PDK2: variants seen among roughly 807,000 people sequenced by gnomAD.
PDK2 encodes pyruvate dehydrogenase kinase, isozyme 2.
In PDK2, 34 loss-of-function variants were observed where a neutral mutation model predicts 50.4. The ratio of observed to expected loss-of-function variants is 0.68; its 90% confidence interval spans 0.51 to 0.90. The LOEUF is 0.90. Ranked by LOEUF, PDK2 falls within the 40% of genes least tolerant of loss-of-function variation. PDK2 has a pLI of 0.00. For synonymous variants in PDK2, 232 were observed against 216.0 expected (o/e 1.07, Z -0.65); for missense variants, 377 against 544.5 (o/e 0.69, Z 3.06).
At chr17:50,102,549 T>C (rs1910290305) in intron 2 of PDK2, among the ~76,000 whole-genome samples, 1 of 151,772 alleles carries the variant, frequency 6.6e-6, no homozygotes, top group Admixed American at 6.6e-5. Context: ...GGCCCCACTC[T>C]GCAGTGGGTC....
intron 5 of PDK2, 40 bp downstream of exon 5, chr17:50,106,923 C>T (rs372919162): frequency 4.4e-6 from 7 of 1,585,676 alleles, no homozygotes; most frequent in African/African-American, 2.7e-5. Context: ...AGAGAAGCCC[C>T]GGGGACCCCT....
chr17:50,106,624 G>A lies in PDK2; in HGVS notation c.518-170G>A, dbSNP rs142260429. On this transcript the variant is annotated intron_variant, in intron 4 of 10. Transcript: ENST00000503176. ...AACGGCCTAAGCCAGGGCTGGAGGG[G>A]TCAGGGGTCAGGGAAGGGAGGACAG... is the stretch of plus-strand genomic sequence containing the variant. The A allele has an allele frequency of 6.7e-4, 430 of 640,990 alleles. No homozygotes were observed. In the African/African-American group the frequency reaches 7.2e-3, roughly 11 times the overall value. The allele number at this position is 640,990 out of a possible 1,614,324, so 39.7% of individuals were successfully genotyped here. A position where few individuals can be genotyped will look rare whatever the true frequency, so the allele number is the denominator to read the frequency against.
In PDK2 at chr17:50,110,090, T is replaced by C; in HGVS notation, c.1217T>C (p.Val406Ala). 6.2e-7 allele frequency: 1 copy of C among 1,605,228 alleles called. No homozygotes were observed. The highest frequency in any genetic ancestry group is 8.5e-7 in the Non-Finnish European group (1 of 1,174,916). ...TEPKNTSTYRVS is the reference protein window; with the variant it reads ...TEPKNTSTYRAS The stretch of plus-strand genomic sequence containing the variant: ...CCCAAGAACACGTCCACGTACCGCG[T>C]CAGCTAAGGGCCGCCGTGCATCTGC... Residue 406 changes from valine (V) to alanine (A), a missense_variant, in exon 11 of 11, where the codon GTC (valine) becomes GCC (alanine). By Grantham distance (64) the Val-to-Ala change is moderately conservative. Transcript: ENST00000503176.
chr17:50,095,696 A>C (rs1909898177), intron 1 of PDK2, 143 bp downstream of exon 1: 3 of 1,437,148 alleles, frequency 2.1e-6, no homozygotes, highest in Non-Finnish European at 2.7e-6. Flanking sequence ...GGAAAGAGTT[A>C]ATGGGGAAGC....
At chr17:50,095,647 C>T (rs1909895051) in intron 1 of PDK2, 94 bp downstream of exon 1, 5 of 1,493,140 alleles carry the variant, frequency 3.3e-6, no homozygotes, top group Non-Finnish European at 4.5e-6. Context: ...AAGAAAGGCC[C>T]CGAGTGACAG....
At chr17:50,099,765 C>A (rs1157351514) in intron 2 of PDK2, among the ~76,000 whole-genome samples, 3 of 152,236 alleles carry the variant, frequency 2.0e-5, no homozygotes, top group Admixed American at 2.0e-4. Context: ...TGCACTCCAG[C>A]CTGGGCGACA....
At position 50,095,402 on chromosome 17, in the gene PDK2, G is replaced by T; in HGVS notation, c.-34G>T. On this transcript the variant is annotated 5_prime_UTR_variant, in exon 1 of 11. Coordinates refer to ENST00000503176, the MANE Select transcript of PDK2 (RefSeq NM_002611.5). ...AAAGGTGCGCGAGCGCTGCCCGCGC[G>T]GGGACCACAACCAAAGTCGCGGCCG... 1 of 1,496,290 alleles carries T rather than the reference G, an allele frequency of 6.7e-7. No individual in the cohort carries two copies. The highest frequency in any genetic ancestry group is 9.2e-7 in the Non-Finnish European group (1 of 1,085,462). 92.7% of individuals were successfully genotyped at this position (1,496,290 alleles called of 1,614,324 possible).
chr17:50,098,095 C>T (rs761230075), intron 2 of PDK2, among the ~76,000 whole-genome samples: 6 of 152,184 alleles, frequency 3.9e-5, no homozygotes, highest in Non-Finnish European at 5.9e-5. Flanking sequence ...ACGTTTATTG[C>T]GCACTGCAGC....
Position 50,100,474 on chromosome 17 carries a change from G to A in PDK2, c.260+2910G>A, listed in dbSNP as rs1910167622. ...AGGGGGACCCATTGTGTTTGTAAGG[G>A]CCAAAGGCCAGTGCTAGATGTGAAA... On this transcript the variant is annotated intron_variant, in intron 2 of 10. Transcript: ENST00000503176. 2.6e-5 allele frequency among the ~76,000 whole-genome samples: 4 copies of A among 152,278 alleles called. No individual in the cohort carries two copies. The South Asian group carries it at 8.3e-4, about 32-fold the overall frequency.
chr17:50,102,585 C>G (rs1910292909), intron 2 of PDK2, among the ~76,000 whole-genome samples: 1 of 152,174 alleles, frequency 6.6e-6, no homozygotes, highest in Non-Finnish European at 1.5e-5. Flanking sequence ...CCCCACCTGC[C>G]CCTAGCACTG....
intron 2 of PDK2, among the ~76,000 whole-genome samples, chr17:50,098,150 G>A (rs1208106503): frequency 6.6e-6 from 1 of 152,236 alleles, no homozygotes; most frequent in African/African-American, 2.4e-5. Context: ...AAGAACTCAA[G>A]TTAAGTAACT....
chr17:50,111,967 T>C lies in PDK2; in HGVS notation c.*1870T>C, dbSNP rs970401599. 1 of 152,298 alleles carries C rather than the reference T, an allele frequency of 6.6e-6. No homozygotes were observed. The highest frequency in any genetic ancestry group is 1.5e-5 in the Non-Finnish European group (1 of 68,186). The allele number at this position is 152,298 out of a possible 1,614,324, so 9.4% of individuals were successfully genotyped here. A position where few individuals can be genotyped will look rare whatever the true frequency, so the allele number is the denominator to read the frequency against. On this transcript the variant is annotated 3_prime_UTR_variant, in exon 11 of 11. Coordinates refer to ENST00000503176, the MANE Select transcript of PDK2 (RefSeq NM_002611.5). Reference sequence around the variant, plus strand: ...GTAGCTGCCGGGGACCCCCAGGTTTTGCCTCTCTGCCTGGCTGGGGTGAGG... The same window carrying C: ...GTAGCTGCCGGGGACCCCCAGGTTTCGCCTCTCTGCCTGGCTGGGGTGAGG...
At chr17:50,098,346 A>G (rs1370214646) in intron 2 of PDK2, 1 of 152,130 alleles carries the variant, frequency 6.6e-6, no homozygotes. Context: ...ACGTGCCCAC[A>G]TGTATTCTGA....
chr17:50,108,482 C>A, intron 8 of PDK2, 65 bp downstream of exon 8: 2 of 1,424,850 alleles, frequency 1.4e-6, no homozygotes, highest in Middle Eastern at 1.8e-4. Context: ...TGCCAGGAGA[C>A]GGGCTTTCCT....
At position 50,109,267 on chromosome 17, in the gene PDK2, G is replaced by A; in HGVS notation, c.970-20G>A. On this transcript the variant is annotated intron_variant, in intron 9 of 10. Transcript: ENST00000503176. This position sits in a 1 kb window ranked among gnomAD's most constrained non-coding sequence, Gnocchi z 5.0. ...CCCTGCCAGCCTCCTCATCCTCACT[G>A]CCTTCCTGCCCCGCTGCAGGCTGGC... 6.4e-7 allele frequency: 1 copy of A among 1,555,962 alleles called. No individual in the cohort carries two copies. Among genetic ancestry groups the A allele is most frequent in the Non-Finnish European group, 8.8e-7 (1 of 1,130,668 alleles).
chr17:50,100,921 G>C (rs574715835), intron 2 of PDK2: 1 of 152,326 alleles, frequency 6.6e-6, no homozygotes, highest in Non-Finnish European at 1.5e-5. Context: ...CAAGTTCATG[G>C]TGCAAGTCTG....
chr17:50,108,120 C>G, intron 6 of PDK2, 36 bp from the exon 7 acceptor site: 28 of 1,552,174 alleles, frequency 1.8e-5, no homozygotes, highest in Non-Finnish European at 2.2e-5. Context: ...GACCTCCTGA[C>G]GGTTTCCTGA....
At chr17:50,095,063 G>T (rs924029668), upstream of PDK2, among the ~76,000 whole-genome samples, 1 of 152,252 alleles carries the variant, frequency 6.6e-6, no homozygotes, top group Admixed American at 6.5e-5. Flanking sequence ...GAAGCGAAAG[G>T]GCTGGCGGGG....
chr17:50,107,219 G>A (rs553249135), intron 6 of PDK2, 66 bp downstream of exon 6: 29 of 1,213,066 alleles, frequency 2.4e-5, no homozygotes, highest in Non-Finnish European at 3.1e-5. Context: ...AAGGTGAGAC[G>A]GGGAGTCAGG....
Sources: allele counts gnomAD v4.1 joint callset (sites outside exome capture counted in the v4.1 genomes callset), GRCh38; gene constraint gnomAD v4.1.1; non-coding constraint Gnocchi (gnomAD v3.1); transcripts MANE v1.5; gene names NCBI Gene and HGNC (gene_info 2026-07-23, HGNC 2026-07-21).